Variants in HMGXB4 observed in about 807,000 individuals in gnomAD.
HMGXB4 encodes HMG-box containing 4, also known as HMG domain-containing protein 4.
In HMGXB4, 27 loss-of-function variants were observed where a neutral mutation model predicts 63.9. That is an observed-to-expected ratio of 0.42 (90% CI 0.31 to 0.58). The LOEUF (loss-of-function observed/expected upper bound fraction) is 0.58, where lower values mean the gene tolerates loss of function less well. Among genes scored for constraint, HMGXB4 ranks in the 20% least tolerant of loss-of-function variants. The pLI, the probability that HMGXB4 is intolerant of heterozygous loss-of-function variation, is 0.13. For synonymous variants in HMGXB4, 264 were observed against 265.3 expected, an observed-to-expected ratio of 0.99 and a Z score of 0.05; for missense variants, 624 against 700.7, an observed-to-expected ratio of 0.89 and a Z score of 1.24.
intron 5 of HMGXB4, among the ~76,000 whole-genome samples, chr22:35,268,069 G>A (rs531103385): frequency 1.1e-3 from 164 of 152,348 alleles, no homozygotes; most frequent in African/African-American, 3.6e-3. Context: ...GCGCGACAGC[G>A]TGAGACTCAG....
chr22:35,262,400 G>C lies in HMGXB4; in HGVS notation c.10G>C (p.Asp4His). 3 of 1,614,112 alleles carry C rather than the reference G, an allele frequency of 1.9e-6. No individual in the cohort carries two copies. Among genetic ancestry groups the C allele is most frequent in the Middle Eastern group, 1.7e-4 (1 of 6,060 alleles). Residue 4 changes from aspartate to histidine, a missense_variant, in exon 2 of 11, where the codon GAT becomes CAT. Around this residue, in one of 2 missense-constraint regions of HMGXB4, gnomAD observed 472 missense variants for 470.6 expected, o/e 1.00. Coordinates refer to ENST00000216106, the MANE Select transcript of HMGXB4 (RefSeq NM_001003681.3). Reference sequence around the variant, plus strand: ...GCCCTGCAGGACCACCATGGCTTATGATGACTCCGTGAAGAAAGAAGGTAT... The same window carrying C: ...GCCCTGCAGGACCACCATGGCTTATCATGACTCCGTGAAGAAAGAAGGTAT... MAY[D>H]DSVKKEDCFD...
intron 1 of HMGXB4, among the ~76,000 whole-genome samples, chr22:35,261,177 C>T (rs757714073): frequency 1.6e-4 from 24 of 152,270 alleles, no homozygotes; most frequent in Non-Finnish European, 3.1e-4. Context: ...GTGGCTCACG[C>T]CTGTAATCCC....
rs141408412 is a variant in HMGXB4, at chr22:35,265,146, A to G, written c.758A>G (p.Lys253Arg). The part of the protein sequence containing the change: ...SFLKTARKKH[K>R]SSSDAHSSPG... ...CTGAAAACAGCCCGGAAAAAGCACA[A>G]GTCATCCTCAGACGCACATTCATCT... is the stretch of plus-strand genomic sequence containing the variant. The change falls in exon 5 of 11, where the codon AAG becomes AGG. Residue 253 changes from lysine (K) to arginine (R), a missense_variant. Transcript: ENST00000216106. 6.2e-7 allele frequency: 1 copy of G among 1,614,068 alleles called. No homozygotes were observed. Among genetic ancestry groups the G allele is most frequent in the African/African-American group, 1.3e-5 (1 of 74,932 alleles).
the HMGXB4 span, among the ~76,000 whole-genome samples, chr22:35,252,144 G>A: frequency 2.0e-4 from 31 of 152,318 alleles, no homozygotes; most frequent in East Asian, 2.7e-3. Context: ...GAACCCAGGA[G>A]GTGGAGGCTG....
At chr22:35,255,170 C>T (rs924361240), upstream of HMGXB4, among the ~76,000 whole-genome samples, 2 of 152,150 alleles carry the variant, frequency 1.3e-5, no homozygotes, top group African/African-American at 4.8e-5. Context: ...AAGAATCAAT[C>T]CCATGACTTT....
chr22:35,277,431 C>G (rs1923978810), intron 5 of HMGXB4, among the ~76,000 whole-genome samples: 1 of 152,212 alleles, frequency 6.6e-6, no homozygotes. Context: ...TCACTGCAAC[C>G]TCCGCCTTCC....
chr22:35,264,882 G>T lies in HMGXB4; in HGVS notation c.494G>T (p.Gly165Val), dbSNP rs1053593. The T allele has an allele frequency of 0.61, 988,635 of 1,613,482 alleles. 313,208 individuals carry two copies. Among genetic ancestry groups the T allele is most frequent in the Non-Finnish European group, 0.65 (767,494 of 1,179,660 alleles). ...GGGGAACTACCCCTAGAGGATGGTG[G>T]CTCCCACAAATCGAAAAAAATGAAA... is the stretch of plus-strand genomic sequence containing the variant. ...SSGELPLEDG[G>V]SHKSKKMKPL... Residue 165 changes from glycine to valine, a missense_variant, in exon 5 of 11, where the codon GGC (glycine) becomes GTC (valine). Gly to Val is a moderately radical substitution (Grantham distance 109). This residue lies in a region of HMGXB4 where 472 missense variants were observed against 470.6 expected (regional missense o/e 1.00). Transcript: ENST00000216106.
the HMGXB4 span, among the ~76,000 whole-genome samples, chr22:35,243,002 C>T: frequency 6.6e-6 from 1 of 152,152 alleles, no homozygotes; most frequent in South Asian, 2.1e-4. Context: ...TGTATGATTT[C>T]TTTTAAATTT....
intron 9 of HMGXB4, among the ~76,000 whole-genome samples, chr22:35,289,765 G>A (rs896171205): frequency 1.3e-5 from 2 of 152,134 alleles, no homozygotes; most frequent in African/African-American, 4.8e-5. Flanking sequence ...CACAGCTGTC[G>A]TGTTTCATTT....
upstream of HMGXB4, among the ~76,000 whole-genome samples, chr22:35,254,807 T>C (rs769592076): frequency 3.9e-5 from 6 of 152,218 alleles, no homozygotes; most frequent in Non-Finnish European, 5.9e-5. Context: ...CATTTTGTGA[T>C]TGAGTGAGTA....
At chr22:35,282,541 C>T (rs779259468) in intron 5 of HMGXB4, among the ~76,000 whole-genome samples, 1 of 152,094 alleles carries the variant, frequency 6.6e-6, no homozygotes, top group Non-Finnish European at 1.5e-5. Context: ...TTTGATGCTT[C>T]CAGATGAGTT....
At chr22:35,254,541 C>A (rs533304080), upstream of HMGXB4, among the ~76,000 whole-genome samples, 3 of 152,322 alleles carry the variant, frequency 2.0e-5, no homozygotes, top group South Asian at 6.2e-4. Context: ...CTACCCACAT[C>A]CCCTGCTGGT....
the HMGXB4 span, among the ~76,000 whole-genome samples, chr22:35,248,901 G>A: frequency 6.5e-4 from 99 of 152,248 alleles, no homozygotes; most frequent in Non-Finnish European, 1.1e-3. Flanking sequence ...AACCGTATCA[G>A]GCACTTTCCA....
chr22:35,266,675 G>A (rs1300943864), intron 5 of HMGXB4, among the ~76,000 whole-genome samples: 1 of 152,198 alleles, frequency 6.6e-6, no homozygotes, highest in Non-Finnish European at 1.5e-5. Flanking sequence ...CTAAGAACGA[G>A]AAAATCAAAT....
At chr22:35,259,910 G>C (rs1922732797) in intron 1 of HMGXB4, among the ~76,000 whole-genome samples, 1 of 152,178 alleles carries the variant, frequency 6.6e-6, no homozygotes. Context: ...ACATTTTCTT[G>C]GTTGGCCTGT....
intron 3 of HMGXB4, 44 bp downstream of exon 3, chr22:35,263,270 T>A: frequency 2.3e-6 from 3 of 1,330,530 alleles, no homozygotes; most frequent in African/African-American, 3.1e-5. Context: ...AAACTACTCA[T>A]TTTTTTTTGG....
rs1485651558 is a variant in HMGXB4 at position 35,265,188 on chromosome 22, G to A, written c.800G>A (p.Cys267Tyr). The change falls in exon 5 of 11, where the codon TGT becomes TAT. Residue 267 changes from cysteine to tyrosine, a missense_variant. Physicochemically the swap from Cys to Tyr is radical, Grantham distance 194. Transcript: ENST00000216106. The stretch of plus-strand genomic sequence containing the variant: ...CATTCATCTCCTGGCCCTGAAGGCT[G>A]TGGGTCTGACGCCTCCCAGTTCGCA... ...DAHSSPGPEGCGSDASQFAES... is the reference protein window; with the variant it reads ...DAHSSPGPEGYGSDASQFAES... 6.2e-7 allele frequency: 1 copy of A among 1,614,130 alleles called. No homozygotes were observed. The highest frequency in any genetic ancestry group is 8.5e-7 in the Non-Finnish European group (1 of 1,180,028).
intron 5 of HMGXB4, among the ~76,000 whole-genome samples, chr22:35,273,850 G>A (rs751362462): frequency 9.8e-5 from 15 of 152,336 alleles, no homozygotes; most frequent in Admixed American, 2.6e-4. Context: ...GATGAGTCCT[G>A]TGACCTCTCT....
intron 5 of HMGXB4, among the ~76,000 whole-genome samples, chr22:35,280,453 C>T (rs1440765024): frequency 6.6e-6 from 1 of 152,184 alleles, no homozygotes; most frequent in Non-Finnish European, 1.5e-5. Context: ...CTAATAAATC[C>T]TGTCACATCT....
Sources: gnomAD v4.1 joint callset for allele counts (sites outside exome capture counted in the v4.1 genomes callset) on GRCh38, gnomAD v4.1.1 for gene constraint, gnomAD v4.1.1 regional missense constraint, MANE v1.5 for transcripts, NCBI Gene and HGNC (gene_info 2026-07-23, HGNC 2026-07-21) for gene names.